CYP2C18: variants seen among roughly 807,000 people sequenced by gnomAD.
CYP2C18 encodes cytochrome P450 family 2 subfamily C member 18, also known as cytochrome P450 2C18.
CYP2C18 carries 38 observed loss-of-function variants against 41.3 expected under a neutral mutation model. That is an observed-to-expected ratio of 0.92 (90% CI 0.71 to 1.21). The LOEUF is 1.21. CYP2C18 is among the 50% of genes most tolerant of loss of function. The pLI is 0.00. For missense variants in CYP2C18, 635 were observed against 591.4 expected (o/e 1.07, Z -0.77); for synonymous variants, 236 against 210.0 (o/e 1.12, Z -1.07).
rs201742942 is a variant in CYP2C18 at position 94,712,158 on chromosome 10, A to ATTT, written c.819+5211_819+5213dup. The stretch of plus-strand genomic sequence containing the variant: ...CCACCTCACCTGGCCTCTTTTTCCA[A>ATTT]TTTTTTTTTTTTTTTATTTAAGGTT... On this transcript the variant is annotated intron_variant, in intron 5 of 8. Coordinates refer to ENST00000285979, the MANE Select transcript of CYP2C18 (RefSeq NM_000772.3). 4.3e-4 allele frequency among the ~76,000 whole-genome samples: 61 copies of ATTT among 142,354 alleles called. 2 individuals carry two copies. The East Asian group carries it at 7.1e-3, about 17-fold the overall frequency. The allele number at this position is 142,354 out of a possible 152,430, so 93.4% of individuals were successfully genotyped here. A position where few individuals can be genotyped will look rare whatever the true frequency, so the allele number is the denominator to read the frequency against.
chr10:94,731,989 A>C (rs930788475), intron 7 of CYP2C18, among the ~76,000 whole-genome samples: 1 of 151,976 alleles, frequency 6.6e-6, no homozygotes, highest in Non-Finnish European at 1.5e-5. Flanking sequence ...ATTTAGTTAC[A>C]AATTAAACTA....
At chr10:94,725,770 C>T (rs966334270) in intron 7 of CYP2C18, among the ~76,000 whole-genome samples, 4 of 151,922 alleles carry the variant, frequency 2.6e-5, no homozygotes, top group Non-Finnish European at 5.9e-5. Flanking sequence ...TTAAAATACA[C>T]ACAAATGTGC....
chr10:94,728,900 GT>G (rs1847786797), intron 7 of CYP2C18, among the ~76,000 whole-genome samples: 1 of 151,960 alleles, frequency 6.6e-6, no homozygotes, highest in Non-Finnish European at 1.5e-5. Flanking sequence ...CCCTCAACTT[GT>G]TTTTTTAACA....
At chr10:94,733,525 G>A (rs1847869949) in intron 8 of CYP2C18, 87 bp downstream of exon 8, 4 of 1,569,986 alleles carry the variant, frequency 2.5e-6, no homozygotes, top group Middle Eastern at 1.7e-4. Context: ...CACCTCTGAG[G>A]TTTGGCTGAA....
chr10:94,731,143 G>A (rs1010339168), intron 7 of CYP2C18, among the ~76,000 whole-genome samples: 1 of 152,160 alleles, frequency 6.6e-6, no homozygotes, highest in Non-Finnish European at 1.5e-5. Flanking sequence ...CACTTTGGGA[G>A]GCCAAGGCCA....
Position 94,695,081 on chromosome 10 carries a change from A to T in CYP2C18, c.642+4A>T. ...TCTGAGCTCTCCATGGATCCAGGTGAGATCAAGAGCTTCTCTTCCTGAGAT... is the reference window on the plus strand; with the variant it reads ...TCTGAGCTCTCCATGGATCCAGGTGTGATCAAGAGCTTCTCTTCCTGAGAT... On this transcript the variant is annotated splice_donor_region_variant and intron_variant, in intron 4 of 8. Coordinates refer to ENST00000285979, the MANE Select transcript of CYP2C18 (RefSeq NM_000772.3). The T allele has an allele frequency of 6.3e-7, 1 of 1,596,632 alleles. No homozygotes were observed. The highest frequency in any genetic ancestry group is 8.5e-7 in the Non-Finnish European group (1 of 1,175,808).
chr10:94,701,104 C>G (rs534130856), intron 4 of CYP2C18, among the ~76,000 whole-genome samples: 1 of 152,308 alleles, frequency 6.6e-6, no homozygotes, highest in African/African-American at 2.4e-5. Flanking sequence ...TTTGACCCAG[C>G]CTTCCCATTA....
At chr10:94,722,694 C>T (rs1486164734) in intron 6 of CYP2C18, among the ~76,000 whole-genome samples, 1 of 152,126 alleles carries the variant, frequency 6.6e-6, no homozygotes, top group African/African-American at 2.4e-5. Flanking sequence ...CATTTGTCAA[C>T]TAATTGTTTT....
chr10:94,698,531 A>G (rs1847167621), intron 4 of CYP2C18, among the ~76,000 whole-genome samples: 1 of 152,230 alleles, frequency 6.6e-6, no homozygotes, highest in Non-Finnish European at 1.5e-5. Flanking sequence ...GAAAGCAGGA[A>G]AGATCTAAAA....
Position 94,683,849 on chromosome 10 carries a change from T to G in CYP2C18, c.30T>G (p.Cys10Trp), listed in dbSNP as rs758325478. ...ATCCAGCTGTGGCTCTGGTGCTCTGTCTCTCCTGTTTGTTTCTCCTTTCAC... is the reference window on the plus strand; with the variant it reads ...ATCCAGCTGTGGCTCTGGTGCTCTGGCTCTCCTGTTTGTTTCTCCTTTCAC... Reference protein sequence around the residue: MDPAVALVLCLSCLFLLSLW... With the variant: MDPAVALVLWLSCLFLLSLW... Residue 10 changes from cysteine to tryptophan, a missense_variant, in exon 1 of 9, where the codon TGT (cysteine) becomes TGG (tryptophan). Cys to Trp is a radical substitution (Grantham distance 215). Coordinates refer to ENST00000285979, the MANE Select transcript of CYP2C18 (RefSeq NM_000772.3). 7 of 1,608,876 alleles carry G rather than the reference T, an allele frequency of 4.4e-6. No homozygotes were observed. The highest frequency in any genetic ancestry group is 4.2e-6 in the Non-Finnish European group (5 of 1,177,708).
intron 5 of CYP2C18, among the ~76,000 whole-genome samples, chr10:94,707,352 T>C (rs2134191384): frequency 6.6e-6 from 1 of 152,294 alleles, no homozygotes; most frequent in African/African-American, 2.4e-5. Flanking sequence ...TGTTAAAATA[T>C]TTACAATGAA....
At chr10:94,700,117 G>GA (rs570389000) in intron 4 of CYP2C18, among the ~76,000 whole-genome samples, 213 of 152,166 alleles carry the variant, frequency 1.4e-3, no homozygotes, top group Non-Finnish European at 2.2e-3. Flanking sequence ...CACAGAATTG[G>GA]AAAAAACTAC....
In CYP2C18 at chr10:94,687,800, G is replaced by T. The variant is rs748486797; in HGVS notation, c.199G>T (p.Val67Leu). The change falls in exon 2 of 9, where the codon GTG becomes TTG. Residue 67 changes from valine (V) to leucine (L), a missense_variant. By Grantham distance (32) the Val-to-Leu change is conservative (BLOSUM62 1). Coordinates refer to ENST00000285979, the MANE Select transcript of CYP2C18 (RefSeq NM_000772.3). ...FSKVYGPVFT[V>L]YFGLKPIVVL... Reference sequence around the variant, plus strand: ...AAAAGTCTATGGCCCTGTGTTCACTGTGTATTTTGGCCTGAAGCCCATTGT... The same window carrying T: ...AAAAGTCTATGGCCCTGTGTTCACTTTGTATTTTGGCCTGAAGCCCATTGT... 1.2e-6 allele frequency: 2 copies of T among 1,613,614 alleles called. No individual in the cohort carries two copies. Among genetic ancestry groups the T allele is most frequent in the Admixed American group, 3.3e-5 (2 of 59,980 alleles).
chr10:94,731,365 G>A (rs1847829373), intron 7 of CYP2C18, among the ~76,000 whole-genome samples: 1 of 151,050 alleles, frequency 6.6e-6, no homozygotes. Context: ...GGGTGACAGA[G>A]TGAGACTCTG....
rs112794758 is a variant in CYP2C18 at position 94,693,397 on chromosome 10, G to A, written c.482-1520G>A. 3.6e-3 allele frequency among the ~76,000 whole-genome samples: 549 copies of A among 152,192 alleles called. 2 individuals are homozygous for A. The highest frequency in any genetic ancestry group is 0.013 in the African/African-American group (523 of 41,536). On this transcript the variant is annotated intron_variant, in intron 3 of 8. Transcript: ENST00000285979. ...TTGCCTTCTGCCGTGATTGCATCAC[G>A]CTTCCTGTACAGCCTGCAGAACTAG...
chr10:94,730,975 G>A (rs996457284), intron 7 of CYP2C18, among the ~76,000 whole-genome samples: 1 of 152,156 alleles, frequency 6.6e-6, no homozygotes, highest in African/African-American at 2.4e-5. Context: ...CCAAGGAAGT[G>A]AAAGATCTCT....
intron 5 of CYP2C18, among the ~76,000 whole-genome samples, chr10:94,719,948 G>A (rs1168719215): frequency 6.6e-6 from 1 of 152,038 alleles, no homozygotes; most frequent in East Asian, 1.9e-4. Flanking sequence ...CAGAACTCAA[G>A]TGATCCTCCT....
At chr10:94,723,989 A>G (rs1411033570) in intron 6 of CYP2C18, among the ~76,000 whole-genome samples, 1 of 152,042 alleles carries the variant, frequency 6.6e-6, no homozygotes, top group African/African-American at 2.4e-5. Context: ...TTAAAACATT[A>G]TATGTTATTC....
intron 4 of CYP2C18, among the ~76,000 whole-genome samples, chr10:94,701,414 AAC>A (rs1847242293): frequency 6.6e-6 from 1 of 152,148 alleles, no homozygotes; most frequent in Non-Finnish European, 1.5e-5. Flanking sequence ...GTGGGAATTG[AAC>A]AGTGAGAACA....
Sources: gnomAD v4.1 joint callset for allele counts (sites outside exome capture counted in the v4.1 genomes callset) on GRCh38, gnomAD v4.1.1 for gene constraint, MANE v1.5 for transcripts, NCBI Gene and HGNC (gene_info 2026-07-23, HGNC 2026-07-21) for gene names.